The following INPP4B variants were observed in gnomAD, a reference collection of about 807,000 sequenced individuals.
INPP4B encodes inositol polyphosphate 4-phosphatase type II.
Under a neutral mutation model 122.5 loss-of-function variants are expected in INPP4B, and 55 were observed. That is an observed-to-expected ratio of 0.45 (90% CI 0.36 to 0.56). The LOEUF (loss-of-function observed/expected upper bound fraction) is 0.56. Ranked by LOEUF, INPP4B falls within the 20% of genes least tolerant of loss-of-function variation. INPP4B has a pLI of 0.00. For missense variants in INPP4B, 1,000 were observed against 1,097.7 expected, an observed-to-expected ratio of 0.91 and a Z score of 1.26; for synonymous variants, 403 against 388.7, an observed-to-expected ratio of 1.04 and a Z score of -0.43.
intron 2 of INPP4B, among the ~76,000 whole-genome samples, chr4:142,690,168 C>T (rs1175726761): frequency 1.3e-5 from 2 of 152,086 alleles, no homozygotes; most frequent in African/African-American, 2.4e-5. Context: ...TACCATGCGG[C>T]GTCTTTCATT....
At chr4:142,476,229 G>A (rs1337809154) in intron 2 of INPP4B, among the ~76,000 whole-genome samples, 2 of 152,138 alleles carry the variant, frequency 1.3e-5, no homozygotes, top group Non-Finnish European at 2.9e-5. Flanking sequence ...TTCATATTTA[G>A]CCAAACTAAG....
rs141538073 is a variant in INPP4B at position 142,295,229 on chromosome 4, A to T, written c.503+10229T>A. Among the ~76,000 whole-genome samples the T allele has an allele frequency of 1.8e-4, 27 of 152,354 alleles. No homozygotes were observed. In the East Asian group the frequency reaches 4.8e-3, roughly 27 times the overall value. On this transcript the variant is annotated intron_variant, in intron 9 of 25. Coordinates refer to ENST00000262992, the MANE Select transcript of INPP4B (RefSeq NM_001101669.3). The stretch of plus-strand genomic sequence containing the variant: ...GCTTAAAAAGAATCTGTCAATGAAC[A>T]TCAAAGAAACAGTGAGTATTTTTCC...
At chr4:142,592,271 A>G (rs1159549337) in intron 2 of INPP4B, among the ~76,000 whole-genome samples, 1 of 152,220 alleles carries the variant, frequency 6.6e-6, no homozygotes, top group Non-Finnish European at 1.5e-5. Flanking sequence ...TTAGAACTCC[A>G]ATATACAATT....
At chr4:142,469,859 G>A (rs935429868) in intron 2 of INPP4B, among the ~76,000 whole-genome samples, 3 of 152,084 alleles carry the variant, frequency 2.0e-5, no homozygotes, top group Non-Finnish European at 2.9e-5. Context: ...GTTGCATATA[G>A]ATAGCGAACC....
intron 22 of INPP4B, among the ~76,000 whole-genome samples, chr4:142,110,138 C>A (rs997323982): frequency 1.1e-4 from 17 of 152,066 alleles, no homozygotes; most frequent in African/African-American, 3.9e-4. Context: ...ATGGCAATGG[C>A]AGTATTTTGA....
chr4:142,076,151 G>T (rs1390988), intron 25 of INPP4B, among the ~76,000 whole-genome samples: 135,745 of 151,924 alleles, frequency 0.89, 62,031 homozygotes, highest in Non-Finnish European at 0.98. Flanking sequence ...ACAAAAGAAA[G>T]TATGGGAAAG....
chr4:142,435,285 C>T (rs1580054682), intron 3 of INPP4B, among the ~76,000 whole-genome samples: 1 of 152,018 alleles, frequency 6.6e-6, no homozygotes, highest in Non-Finnish European at 1.5e-5. Context: ...TTGTTTTGTG[C>T]TCTCACTTAG....
chr4:142,172,251 T>C (rs1182009943), intron 16 of INPP4B, among the ~76,000 whole-genome samples: 1 of 151,944 alleles, frequency 6.6e-6, no homozygotes, highest in East Asian at 1.9e-4. Context: ...CAGATCTGGG[T>C]TTGAACCCAG....
chr4:142,602,782 C>A (rs930706071), intron 2 of INPP4B, among the ~76,000 whole-genome samples: 1 of 152,156 alleles, frequency 6.6e-6, no homozygotes. Flanking sequence ...TTAGTTCAAC[C>A]ATTGTGGAAG....
intron 11 of INPP4B, among the ~76,000 whole-genome samples, chr4:142,247,036 C>A (rs924919749): frequency 4.6e-5 from 7 of 152,118 alleles, no homozygotes; most frequent in African/African-American, 7.2e-5. Flanking sequence ...GCCTTCTCTG[C>A]ATCTATTGTG....
At chr4:142,352,289 T>C (rs1333453554) in intron 7 of INPP4B, among the ~76,000 whole-genome samples, 1 of 151,926 alleles carries the variant, frequency 6.6e-6, no homozygotes, top group African/African-American at 2.4e-5. Context: ...TCTTCCACAA[T>C]TGGCAGTATT....
intron 16 of INPP4B, among the ~76,000 whole-genome samples, chr4:142,168,733 T>C (rs1824099749): frequency 6.6e-6 from 1 of 151,646 alleles, no homozygotes; most frequent in African/African-American, 2.4e-5. Context: ...TTCGCATGCA[T>C]ACACAGATTG....
intron 2 of INPP4B, among the ~76,000 whole-genome samples, chr4:142,639,006 AT>A (rs1400741643): frequency 6.6e-6 from 1 of 152,068 alleles, no homozygotes; most frequent in Non-Finnish European, 1.5e-5. Flanking sequence ...GTTTAGTCAA[AT>A]TTTTTTGTTT....
At chr4:142,526,062 C>T (rs1382924566) in intron 2 of INPP4B, among the ~76,000 whole-genome samples, 1 of 151,960 alleles carries the variant, frequency 6.6e-6, no homozygotes, top group Non-Finnish European at 1.5e-5. Flanking sequence ...ATTTACAGTG[C>T]TTTATCAATA....
intron 2 of INPP4B, among the ~76,000 whole-genome samples, chr4:142,630,385 A>G (rs893592023): frequency 6.6e-6 from 1 of 152,142 alleles, no homozygotes; most frequent in Non-Finnish European, 1.5e-5. Context: ...TTAAATATTT[A>G]AAAATTTTCA....
intron 18 of INPP4B, among the ~76,000 whole-genome samples, chr4:142,140,819 G>C (rs1807395189): frequency 6.6e-6 from 1 of 152,140 alleles, no homozygotes; most frequent in South Asian, 2.1e-4. Flanking sequence ...AAGGTTTATG[G>C]ATATCAGTAG....
chr4:142,193,777 C>A (rs1837015679), intron 14 of INPP4B, among the ~76,000 whole-genome samples: 1 of 151,858 alleles, frequency 6.6e-6, no homozygotes, highest in South Asian at 2.1e-4. Context: ...CAAAATGTTT[C>A]TTGTTCTGTT....
chr4:142,230,584 G>C (rs1047315411), intron 12 of INPP4B, among the ~76,000 whole-genome samples: 3 of 144,028 alleles, frequency 2.1e-5, no homozygotes, highest in African/African-American at 7.7e-5. Context: ...GCGAGGTTTT[G>C]GTGAGCCGAG....
chr4:142,078,689 G>A (rs1772176960), intron 25 of INPP4B, among the ~76,000 whole-genome samples: 1 of 151,850 alleles, frequency 6.6e-6, no homozygotes, highest in African/African-American at 2.4e-5. Context: ...ACAGAGATAA[G>A]CACAATACAA....
Sources: gnomAD v4.1 joint callset for allele counts (sites outside exome capture counted in the v4.1 genomes callset) on GRCh38, gnomAD v4.1.1 for gene constraint, MANE v1.5 for transcripts, NCBI Gene and HGNC (gene_info 2026-07-23, HGNC 2026-07-21) for gene names.